Variants in ZNF267 observed in about 807,000 individuals in gnomAD.
The protein encoded by ZNF267 is zinc finger (C2H2).
In ZNF267, 61 loss-of-function variants were observed where a neutral mutation model predicts 71.6. The ratio of observed to expected loss-of-function variants is 0.85; its 90% CI spans 0.69 to 1.05. ZNF267 has a LOEUF of 1.05. ZNF267 is among the 50% of genes least tolerant of loss of function. ZNF267 has a pLI of 0.00. For synonymous variants in ZNF267, 288 were observed against 293.2 expected, an observed-to-expected ratio of 0.98 and a Z score of 0.18; for missense variants, 852 against 870.0, an observed-to-expected ratio of 0.98 and a Z score of 0.26.
At chr16:31,910,806 T>A (rs2084129985) in intron 3 of ZNF267, among the ~76,000 whole-genome samples, 1 of 151,508 alleles carries the variant, frequency 6.6e-6, no homozygotes, top group Admixed American at 6.6e-5. Context: ...GGTTATATGA[T>A]TTTTTTCTTT....
intron 3 of ZNF267, among the ~76,000 whole-genome samples, chr16:31,889,402 AT>A (rs1300808016): frequency 6.6e-6 from 1 of 152,018 alleles, no homozygotes; most frequent in Non-Finnish European, 1.5e-5. Flanking sequence ...GAACTTTATC[AT>A]TTTATACTTC....
intron 3 of ZNF267, among the ~76,000 whole-genome samples, chr16:31,897,066 A>C (rs1369707338): frequency 1.3e-5 from 2 of 151,912 alleles, no homozygotes; most frequent in African/African-American, 2.4e-5. Context: ...GAAACGAGGA[A>C]GTTAAATGGT....
intron 1 of ZNF267, chr16:31,875,364 G>T (rs1417579577): frequency 2.2e-5 from 27 of 1,248,586 alleles, no homozygotes; most frequent in Non-Finnish European, 2.6e-5. Flanking sequence ...GAAATCTCCT[G>T]GGACACCCTT....
chr16:31,915,469 C>CCT lies in ZNF267; in HGVS notation c.1220_1221insCT (p.Lys409ThrfsTer357). 6.2e-7 allele frequency: 1 copy of CCT among 1,613,810 alleles called. No homozygotes were observed. The highest frequency in any genetic ancestry group is 8.5e-7 in the Non-Finnish European group (1 of 1,179,896). On this transcript the variant is annotated frameshift_variant, in exon 4 of 4. Coordinates refer to ENST00000300870, the MANE Select transcript of ZNF267 (RefSeq NM_003414.6). LOFTEE classifies it high-confidence loss of function. ...CAGAGAATTCACACTGGAGAGAAAC[C>CCT]ATACAAATGTAAAGAATGTGGCAAA...
At position 31,914,643 on chromosome 16, in the gene ZNF267, A is replaced by G. The variant is rs745644291; in HGVS notation, c.394A>G (p.Lys132Glu). The change falls in exon 4 of 4, where the codon AAG becomes GAG. Residue 132 changes from lysine to glutamate, a missense_variant. By Grantham distance (56) the Lys-to-Glu change is moderately conservative. Coordinates refer to ENST00000300870, the MANE Select transcript of ZNF267 (RefSeq NM_003414.6). ...AGGGCACAATGGATGTTATGATGAA[A>G]AGACTTTTAAATATGATCAATTTGA... Reference protein sequence around the residue: ...CEGHNGCYDEKTFKYDQFDES... With the variant: ...CEGHNGCYDEETFKYDQFDES... 3.7e-6 allele frequency: 6 copies of G among 1,613,972 alleles called. No homozygotes were observed. The highest frequency in any genetic ancestry group is 5.1e-6 in the Non-Finnish European group (6 of 1,180,006).
At chr16:31,884,894 T>A (rs528689153) in intron 2 of ZNF267, among the ~76,000 whole-genome samples, 1 of 152,258 alleles carries the variant, frequency 6.6e-6, no homozygotes, top group East Asian at 1.9e-4. Context: ...AAAATCCAAT[T>A]TTTTTTGTTT....
At chr16:31,876,424 C>G (rs2083852793) in intron 1 of ZNF267, among the ~76,000 whole-genome samples, 1 of 151,804 alleles carries the variant, frequency 6.6e-6, no homozygotes, top group African/African-American at 2.4e-5. Flanking sequence ...ACTGTGTTGC[C>G]CCCAGAGTGG....
chr16:31,910,754 A>G (rs1055386207), intron 3 of ZNF267, among the ~76,000 whole-genome samples: 2 of 150,896 alleles, frequency 1.3e-5, no homozygotes, highest in African/African-American at 4.9e-5. Context: ...GATGTTTATT[A>G]TAATTTTTGT....
At chr16:31,888,004 G>C (rs1326359862) in intron 3 of ZNF267, among the ~76,000 whole-genome samples, 1 of 152,058 alleles carries the variant, frequency 6.6e-6, no homozygotes, top group African/African-American at 2.4e-5. Flanking sequence ...AATCCATGAA[G>C]AAGGGATATT....
At chr16:31,901,013 T>A (rs370084448) in intron 3 of ZNF267, among the ~76,000 whole-genome samples, 3 of 151,920 alleles carry the variant, frequency 2.0e-5, no homozygotes, top group Admixed American at 6.6e-5. Context: ...ATGTGTTCTC[T>A]TTGTTCAATT....
chr16:31,891,079 A>G (rs1463764109), intron 3 of ZNF267, among the ~76,000 whole-genome samples: 1 of 151,270 alleles, frequency 6.6e-6, no homozygotes, highest in Non-Finnish European at 1.5e-5. Context: ...TTATGTTTTG[A>G]TGGCTTTTTC....
At chr16:31,882,736 A>G (rs904494737) in intron 1 of ZNF267, among the ~76,000 whole-genome samples, 10 of 152,216 alleles carry the variant, frequency 6.6e-5, no homozygotes, top group Non-Finnish European at 5.9e-5. Context: ...CCCATATCAC[A>G]GCAATGATTA....
Position 31,884,600 on chromosome 16 carries a change from A to G in ZNF267, c.106A>G (p.Asn36Asp). The G allele has an allele frequency of 6.2e-7, 1 of 1,614,142 alleles. No individual in the cohort carries two copies. Among genetic ancestry groups the G allele is most frequent in the Admixed American group, 1.7e-5 (1 of 60,024 alleles). ...KNLYQDVMLE[N>D]YRNLVSLGLV... ...TTTGTATCAGGATGTGATGTTAGAA[A>G]ACTACAGAAACCTGGTCTCTCTGGG... The change falls in exon 2 of 4, where the codon AAC becomes GAC. Residue 36 changes from asparagine to aspartate, a missense_variant. By Grantham distance (23) the Asn-to-Asp change is conservative (BLOSUM62 1). Coordinates refer to ENST00000300870, the MANE Select transcript of ZNF267 (RefSeq NM_003414.6).
Position 31,878,712 on chromosome 16 carries a change from C to G in ZNF267, c.3+4743C>G, listed in dbSNP as rs114635946. Among the ~76,000 whole-genome samples the G allele has an allele frequency of 5.8e-3, 878 of 152,328 alleles. 13 individuals are homozygous for G. The highest frequency in any genetic ancestry group is 0.02 in the African/African-American group (838 of 41,578). On this transcript the variant is annotated intron_variant, in intron 1 of 3. Coordinates refer to ENST00000300870, the MANE Select transcript of ZNF267 (RefSeq NM_003414.6). ...CACCAACTTGGTACTGCCCCCTGCTCATGGCTCAATAGCACCTTCCTCTCT... is the reference window on the plus strand; with the variant it reads ...CACCAACTTGGTACTGCCCCCTGCTGATGGCTCAATAGCACCTTCCTCTCT...
intron 1 of ZNF267, among the ~76,000 whole-genome samples, chr16:31,884,174 A>G (rs1233174506): frequency 6.6e-6 from 1 of 152,234 alleles, no homozygotes; most frequent in Non-Finnish European, 1.5e-5. Flanking sequence ...CTAAGTCACC[A>G]TGACTTTTGC....
At chr16:31,891,334 A>G (rs186966822) in intron 3 of ZNF267, among the ~76,000 whole-genome samples, 279 of 152,290 alleles carry the variant, frequency 1.8e-3, no homozygotes, top group Non-Finnish European at 3.6e-3. Flanking sequence ...TTTATTTTGT[A>G]GCTTTTATAC....
At chr16:31,877,738 G>C (rs952006) in intron 1 of ZNF267, among the ~76,000 whole-genome samples, 2,097 of 152,208 alleles carry the variant, frequency 0.014, 57 homozygotes, top group African/African-American at 0.048. Flanking sequence ...GCAGTAGGCT[G>C]TTCTTGGAAA....
intron 3 of ZNF267, chr16:31,890,244 A>G (rs1161949045): frequency 6.6e-6 from 1 of 152,108 alleles, no homozygotes; most frequent in Non-Finnish European, 1.5e-5. Context: ...TCGTTTTCTC[A>G]CCACAGGTAT....
chr16:31,914,348 C>G (rs1268968777), intron 3 of ZNF267, 128 bp from the exon 4 acceptor site: 1 of 813,140 alleles, frequency 1.2e-6, no homozygotes, highest in East Asian at 2.8e-5. Flanking sequence ...ATTGAGAAAA[C>G]ACGGCCTCAG....
Sources: gnomAD v4.1 joint callset for allele counts (sites outside exome capture counted in the v4.1 genomes callset) on GRCh38, gnomAD v4.1.1 for gene constraint, MANE v1.5 for transcripts, NCBI Gene and HGNC (gene_info 2026-07-23, HGNC 2026-07-21) for gene names.